The following NEB variants were observed in gnomAD, a reference collection of about 807,000 sequenced individuals.
NEB encodes nemaline myopathy type 2.
Under a neutral mutation model 952.2 loss-of-function variants are expected in NEB, and 512 were observed. The ratio of observed to expected loss-of-function variants is 0.54; its 90% CI spans 0.50 to 0.58. NEB has a LOEUF of 0.58. Among genes scored for constraint, NEB ranks in the 20% least tolerant of loss-of-function variants. NEB has a pLI of 0.00. For synonymous variants in NEB, 2,900 were observed against 3,149.8 expected, an observed-to-expected ratio of 0.92 and a Z score of 2.66; for missense variants, 8,428 against 9,231.1, an observed-to-expected ratio of 0.91 and a Z score of 3.56.
chr2:151,650,314 C>T lies in NEB; in HGVS notation c.7293G>A (p.Glu2431=), dbSNP rs541288131. 2 of 1,613,902 alleles carry T rather than the reference C, an allele frequency of 1.2e-6. No individual in the cohort carries two copies. Among genetic ancestry groups the T allele is most frequent in the Admixed American group, 1.7e-5 (1 of 60,002 alleles). Residue 2431 remains glutamate (E), a synonymous_variant, in exon 54 of 182, where the codon GAG becomes GAA. Coordinates refer to ENST00000397345, the MANE Select transcript of NEB (RefSeq NM_001164508.2). ...GIGWSPLGSL[E]AEKNKRASEI... Reference sequence around the variant, plus strand: ...CCGAAGCCCGCTTGTTCTTTTCTGCCTCTAAAGAACCCAAGGGACTCCATC... The same window carrying T: ...CCGAAGCCCGCTTGTTCTTTTCTGCTTCTAAAGAACCCAAGGGACTCCATC...
intron 166 of NEB, 169 bp downstream of exon 166, chr2:151,503,180 G>T: frequency 1.7e-6 from 1 of 605,910 alleles, no homozygotes; most frequent in Non-Finnish European, 2.9e-6. Flanking sequence ...AAGTATAATC[G>T]GAAATGTGAG....
Position 151,697,150 on chromosome 2 carries a change from C to T in NEB, c.1468G>A (p.Asp490Asn). The change falls in exon 16 of 182, where the codon GAC becomes AAC. Residue 490 changes from aspartate (D) to asparagine (N), a missense_variant and splice_region_variant. Asp to Asn is a conservative substitution (Grantham distance 23, BLOSUM62 1). Transcript: ENST00000397345. ...EAIKKLDQCK[D>N]HTYKVHPDKT... Reference sequence around the variant, plus strand: ...CAAAGTTCAGACTACAGACTTACGTCTTTACACTGATCTAGTTTCTTAATT... The same window carrying T: ...CAAAGTTCAGACTACAGACTTACGTTTTTACACTGATCTAGTTTCTTAATT... The T allele has an allele frequency of 6.2e-7, 1 of 1,611,752 alleles. No homozygotes were observed. Among genetic ancestry groups the T allele is most frequent in the Non-Finnish European group, 8.5e-7 (1 of 1,178,602 alleles).
intron 124 of NEB, among the ~76,000 whole-genome samples, chr2:151,556,628 A>T (rs955459847): frequency 2.0e-5 from 3 of 152,184 alleles, no homozygotes; most frequent in Non-Finnish European, 4.4e-5. Context: ...GCATTACATA[A>T]TGGGAAAGGG....
intron 9 of NEB, among the ~76,000 whole-genome samples, chr2:151,720,398 A>G (rs1227178727): frequency 1.3e-5 from 2 of 152,212 alleles, no homozygotes; most frequent in Non-Finnish European, 2.9e-5. Flanking sequence ...AGTACTGACA[A>G]CAGTATTAAT....
At chr2:151,510,658 T>C (rs1275107359) in intron 161 of NEB, among the ~76,000 whole-genome samples, 2 of 152,176 alleles carry the variant, frequency 1.3e-5, no homozygotes, top group Admixed American at 1.3e-4. Context: ...TTCTATTTTA[T>C]TAGTTATTGT....
chr2:151,696,928 G>A (rs192510362), intron 16 of NEB, among the ~76,000 whole-genome samples, 193 bp from the exon 17 acceptor site: 6 of 152,050 alleles, frequency 3.9e-5, no homozygotes, highest in Admixed American at 2.0e-4. Flanking sequence ...CTATATCTTC[G>A]GGTTTCCAAT....
At chr2:151,677,021 G>A (rs925796036) in intron 34 of NEB, among the ~76,000 whole-genome samples, 4 of 152,178 alleles carry the variant, frequency 2.6e-5, no homozygotes, top group African/African-American at 9.7e-5. Flanking sequence ...GAGCATAGAC[G>A]CTGCTCATGG....
chr2:151,531,284 CACA>C (rs1425614225), intron 144 of NEB, among the ~76,000 whole-genome samples, 183 bp from the exon 145 acceptor site: 6 of 149,178 alleles, frequency 4.0e-5, no homozygotes, highest in African/African-American at 9.8e-5. Context: ...CCAGTTTGGT[CACA>C]ACAACTCTCT....
Position 151,617,331 on chromosome 2 carries a change from T to C in NEB, c.11181+33A>G, listed in dbSNP as rs766347788. On this transcript the variant is annotated intron_variant, in intron 75 of 181. Transcript: ENST00000397345. Reference sequence around the variant, plus strand: ...CAGCTACAGTGGTTCATTTTTGCCTTTCTGTTCATTACAAGATCAACAGTT... The same window carrying C: ...CAGCTACAGTGGTTCATTTTTGCCTCTCTGTTCATTACAAGATCAACAGTT... 2.3e-5 allele frequency: 33 copies of C among 1,458,928 alleles called. No individual in the cohort carries two copies. The South Asian group carries it at 4.0e-4, about 18-fold the overall frequency. 90.4% of individuals were successfully genotyped at this position (1,458,928 alleles called of 1,614,324 possible). A position where few individuals can be genotyped will look rare whatever the true frequency, so the allele number is the denominator to read the frequency against.
At position 151,723,365 on chromosome 2, in the gene NEB, A is replaced by G. The variant is rs768093751; in HGVS notation, c.717+17T>C. ...TGACTCTGCACACCTAAGTGGTGCC[A>G]CTTGCATTTCACTTACATCACTGAG... On this transcript the variant is annotated intron_variant, in intron 9 of 181. Coordinates refer to ENST00000397345, the MANE Select transcript of NEB (RefSeq NM_001164508.2). 4.4e-6 allele frequency: 7 copies of G among 1,584,270 alleles called. No homozygotes were observed. Among genetic ancestry groups the G allele is most frequent in the African/African-American group, 1.3e-5 (1 of 74,372 alleles).
intron 107 of NEB, among the ~76,000 whole-genome samples, chr2:151,571,441 G>C (rs758561650): frequency 2.6e-5 from 4 of 152,118 alleles, no homozygotes; most frequent in African/African-American, 9.7e-5. Flanking sequence ...ACATTAATGG[G>C]TTATTGAATT....
intron 117 of NEB, 101 bp from the exon 118 acceptor site, chr2:151,564,031 G>T: frequency 1.2e-6 from 1 of 844,312 alleles, no homozygotes; most frequent in Non-Finnish European, 1.9e-6. Context: ...TATGTTCAAG[G>T]CAAGGCTGAA....
At chr2:151,718,843 T>G (rs2099766480) in intron 9 of NEB, among the ~76,000 whole-genome samples, 1 of 152,242 alleles carries the variant, frequency 6.6e-6, no homozygotes, top group East Asian at 1.9e-4. Flanking sequence ...CTCTCTTCAT[T>G]TCTGATTCCT....
intron 138 of NEB, among the ~76,000 whole-genome samples, chr2:151,538,770 C>T (rs2093629749): frequency 6.6e-6 from 1 of 152,138 alleles, no homozygotes; most frequent in Non-Finnish European, 1.5e-5. Context: ...AGTCTTAAAA[C>T]TTCATTTCAT....
intron 9 of NEB, 39 bp downstream of exon 9, chr2:151,723,343 C>T: frequency 6.8e-7 from 1 of 1,468,312 alleles, no homozygotes; most frequent in Non-Finnish European, 9.4e-7. Context: ...GTTCCCCTGA[C>T]TCTGCACACC....
chr2:151,560,883 G>A, intron 123 of NEB, 121 bp downstream of exon 123: 1 of 770,428 alleles, frequency 1.3e-6, no homozygotes, highest in Non-Finnish European at 2.1e-6. Context: ...TAAGATTGAA[G>A]GTCCAGGAAA....
rs866309952 is a variant in NEB at position 151,491,777 on chromosome 2, T to G, written c.25058-2A>C. 3 of 1,578,496 alleles carry G rather than the reference T, an allele frequency of 1.9e-6. No individual in the cohort carries two copies. The highest frequency in any genetic ancestry group is 1.2e-5 in the South Asian group (1 of 86,062). ...GATTAGTACGCCAGACACGTAAACC[T>G]GAAAGGGAAACCAGTGATCAGAACA... On this transcript the variant is annotated splice_acceptor_variant, in intron 178 of 181. Coordinates refer to ENST00000397345, the MANE Select transcript of NEB (RefSeq NM_001164508.2). LOFTEE classifies it high-confidence loss of function.
chr2:151,613,891 A>G (rs2098111707), intron 77 of NEB, among the ~76,000 whole-genome samples: 1 of 152,220 alleles, frequency 6.6e-6, no homozygotes, highest in Admixed American at 6.5e-5. Context: ...ATGTAAGTCA[A>G]TTAAACCTCT....
intron 13 of NEB, among the ~76,000 whole-genome samples, chr2:151,702,776 G>A (rs986699249): frequency 7.2e-5 from 11 of 152,144 alleles, no homozygotes; most frequent in African/African-American, 2.7e-4. Context: ...CACGTGAGTT[G>A]GGTTTCCTGA....
Sources: gnomAD v4.1 joint callset for allele counts (sites outside exome capture counted in the v4.1 genomes callset) on GRCh38, gnomAD v4.1.1 for gene constraint, MANE v1.5 for transcripts, NCBI Gene and HGNC (gene_info 2026-07-23, HGNC 2026-07-21) for gene names.